The following ROBO1 variants were observed in gnomAD, a reference collection of about 807,000 sequenced individuals.
ROBO1 encodes roundabout homolog 1.
A neutral mutation model predicts 195.9 loss-of-function variants in ROBO1; 149 were observed. The observed-to-expected ratio is 0.76, with a 90% confidence interval of 0.67 to 0.87. The LOEUF (loss-of-function observed/expected upper bound fraction) is 0.87. Ranked by LOEUF, ROBO1 falls within the 40% of genes least tolerant of loss-of-function variation. ROBO1 has a pLI of 0.00. For synonymous variants in ROBO1, 816 were observed against 733.2 expected (o/e 1.11, Z -1.82); for missense variants, 1,933 against 2,068.3 (o/e 0.93, Z 1.27).
At chr3:79,473,644 T>C (rs1938400455) in intron 2 of ROBO1, among the ~76,000 whole-genome samples, 1 of 152,132 alleles carries the variant, frequency 6.6e-6, no homozygotes, top group African/African-American at 2.4e-5. Context: ...TGAATAAATA[T>C]TCCAAGACAA....
chr3:78,792,755 A>C (rs73115174), intron 4 of ROBO1, among the ~76,000 whole-genome samples: 1 of 152,300 alleles, frequency 6.6e-6, no homozygotes, highest in Non-Finnish European at 1.5e-5. Context: ...TTTCATATTT[A>C]ATCCTTATAA....
At chr3:79,712,178 A>G (rs1446880853) in intron 1 of ROBO1, among the ~76,000 whole-genome samples, 1 of 152,162 alleles carries the variant, frequency 6.6e-6, no homozygotes, top group Non-Finnish European at 1.5e-5. Context: ...AAAGCCAGAA[A>G]TGATTAAGCT....
chr3:78,839,565 T>A (rs922638743), intron 4 of ROBO1, among the ~76,000 whole-genome samples: 2 of 152,084 alleles, frequency 1.3e-5, no homozygotes, highest in African/African-American at 4.8e-5. Context: ...TAATATTCAT[T>A]AAATAATTTT....
intron 4 of ROBO1, among the ~76,000 whole-genome samples, chr3:78,871,742 CAAAA>C (rs71127366): frequency 1.1e-4 from 12 of 111,374 alleles, no homozygotes; most frequent in Non-Finnish European, 1.5e-4. Context: ...GCTTTCACAG[CAAAA>C]AAAAAAAAAA....
At chr3:79,060,171 C>G (rs1447235337) in intron 3 of ROBO1, among the ~76,000 whole-genome samples, 1 of 151,958 alleles carries the variant, frequency 6.6e-6, no homozygotes, top group Non-Finnish European at 1.5e-5. Context: ...GAAATTCCAG[C>G]CTGGTGAAAT....
intron 3 of ROBO1, among the ~76,000 whole-genome samples, chr3:78,998,774 T>C (rs1481134181): frequency 6.6e-6 from 1 of 152,050 alleles, no homozygotes; most frequent in African/African-American, 2.4e-5. Flanking sequence ...TCCCCTTTAT[T>C]AGTTTAATAG....
chr3:78,843,469 C>T (rs1576275480), intron 4 of ROBO1, among the ~76,000 whole-genome samples: 1 of 151,960 alleles, frequency 6.6e-6, no homozygotes, highest in East Asian at 1.9e-4. Flanking sequence ...TACTTCAATT[C>T]TCCAAAAGCC....
At chr3:79,381,355 CAAAAA>C (rs61680946) in intron 2 of ROBO1, among the ~76,000 whole-genome samples, 4 of 60,714 alleles carry the variant, frequency 6.6e-5, no homozygotes, top group Admixed American at 4.6e-4. Flanking sequence ...AACTCCGTCT[CAAAAA>C]AAAAAAAAAA....
chr3:79,221,242 C>T (rs1437095006), intron 2 of ROBO1, among the ~76,000 whole-genome samples: 1 of 152,000 alleles, frequency 6.6e-6, no homozygotes, highest in Non-Finnish European at 1.5e-5. Context: ...TACATGGCTT[C>T]AACTACATTA....
At chr3:79,520,221 C>T (rs865958522) in intron 2 of ROBO1, among the ~76,000 whole-genome samples, 24 of 151,100 alleles carry the variant, frequency 1.6e-4, no homozygotes, top group African/African-American at 5.1e-4. Flanking sequence ...GCACATATGC[C>T]GAAGAAAGCA....
chr3:78,903,952 C>A (rs984211158), intron 4 of ROBO1, among the ~76,000 whole-genome samples: 21 of 151,830 alleles, frequency 1.4e-4, no homozygotes, highest in Non-Finnish European at 2.4e-4. Context: ...TTCTCCTGAT[C>A]TACAAAATAG....
chr3:79,219,286 C>T (rs2082100083), intron 2 of ROBO1, among the ~76,000 whole-genome samples: 1 of 151,922 alleles, frequency 6.6e-6, no homozygotes, highest in African/African-American at 2.4e-5. Context: ...TTACACGAAG[C>T]TGACATCATC....
At chr3:79,094,386 A>G (rs544851394) in intron 3 of ROBO1, among the ~76,000 whole-genome samples, 9 of 152,244 alleles carry the variant, frequency 5.9e-5, no homozygotes, top group African/African-American at 1.9e-4. Flanking sequence ...TGGTGAGAGT[A>G]TAAGTCAGAA....
chr3:79,406,481 C>T (rs1034404811), intron 2 of ROBO1, among the ~76,000 whole-genome samples: 12 of 151,764 alleles, frequency 7.9e-5, no homozygotes, highest in Non-Finnish European at 1.8e-4. Flanking sequence ...CAAAAAAATG[C>T]TTCCTGGCAT....
chr3:78,913,195 G>T lies in ROBO1; in HGVS notation c.499+25406C>A, dbSNP rs182266132. Among the ~76,000 whole-genome samples the T allele has an allele frequency of 5.1e-3, 772 of 152,214 alleles. 5 individuals are homozygous for T. The highest frequency in any genetic ancestry group is 0.018 in the African/African-American group (731 of 41,534). Reference sequence around the variant, plus strand: ...GTAGAAATGTGCATCATATTCAAATGAATTTATATACTTGGCCAGCCTAAT... The same window carrying T: ...GTAGAAATGTGCATCATATTCAAATTAATTTATATACTTGGCCAGCCTAAT... On this transcript the variant is annotated intron_variant, in intron 4 of 30. Transcript: ENST00000464233.
chr3:79,068,596 C>T (rs2079039486), intron 3 of ROBO1, among the ~76,000 whole-genome samples: 1 of 151,852 alleles, frequency 6.6e-6, no homozygotes, highest in South Asian at 2.1e-4. Flanking sequence ...ATTCCCCATT[C>T]CATAATCATA....
chr3:79,242,001 T>A (rs1437757187), intron 2 of ROBO1, among the ~76,000 whole-genome samples: 1 of 151,572 alleles, frequency 6.6e-6, no homozygotes, highest in African/African-American at 2.4e-5. Context: ...CAGCTAGGTG[T>A]AAAACAGAAA....
intron 4 of ROBO1, among the ~76,000 whole-genome samples, chr3:78,838,884 G>A (rs982086748): frequency 6.6e-6 from 1 of 152,054 alleles, no homozygotes; most frequent in African/African-American, 2.4e-5. Flanking sequence ...TCCCCAACAT[G>A]GACATTTCTG....
At chr3:79,095,788 T>C (rs940542364) in intron 3 of ROBO1, among the ~76,000 whole-genome samples, 1 of 152,092 alleles carries the variant, frequency 6.6e-6, no homozygotes, top group African/African-American at 2.4e-5. Context: ...CCACACAGCA[T>C]AATTAAATCC....
Sources: gnomAD v4.1 joint callset for allele counts (sites outside exome capture counted in the v4.1 genomes callset) on GRCh38, gnomAD v4.1.1 for gene constraint, MANE v1.5 for transcripts, NCBI Gene and HGNC (gene_info 2026-07-23, HGNC 2026-07-21) for gene names.